Variants in NUDT3 observed in about 807,000 individuals in gnomAD.
The protein encoded by NUDT3 is nudix hydrolase 3, also known as diphosphoinositol polyphosphate phosphohydrolase 1.
Under a neutral mutation model 23.6 loss-of-function variants are expected in NUDT3, and 9 were observed. That is an observed-to-expected ratio of 0.38 (90% CI 0.23 to 0.66). NUDT3 has a LOEUF of 0.66. Among genes scored for constraint, NUDT3 ranks in the 30% least tolerant of loss-of-function variants. NUDT3 has a pLI of 0.52. For synonymous variants in NUDT3, 86 were observed against 82.6 expected, an observed-to-expected ratio of 1.04 and a Z score of -0.22; for missense variants, 172 against 218.5, an observed-to-expected ratio of 0.79 and a Z score of 1.34.
At chr6:34,338,710 C>G (rs1305356767) in intron 2 of NUDT3, among the ~76,000 whole-genome samples, 1 of 152,184 alleles carries the variant, frequency 6.6e-6, no homozygotes, top group Non-Finnish European at 1.5e-5. Flanking sequence ...GTAGATCAGA[C>G]AGCTCTCTCA....
In NUDT3 at chr6:34,282,916, AC is replaced by A. The variant is rs1371560543; in HGVS notation, c.*5836del. ...GGAACAGAAGCAATGACTTCTTTCCACCTTCTAGATAGTAATCTTACTTTTG... is the reference window on the plus strand; with the variant it reads ...GGAACAGAAGCAATGACTTCTTTCCACTTCTAGATAGTAATCTTACTTTTG... On this transcript the variant is annotated 3_prime_UTR_variant, in exon 5 of 5. Coordinates refer to ENST00000607016, the MANE Select transcript of NUDT3 (RefSeq NM_006703.4). The A allele has an allele frequency of 6.6e-6, 1 of 152,212 alleles. No homozygotes were observed. The highest frequency in any genetic ancestry group is 1.5e-5 in the Non-Finnish European group (1 of 68,042). The allele number at this position is 152,212 out of a possible 1,614,324, so 9.4% of individuals were successfully genotyped here.
rs994838720 is a variant in NUDT3, at chr6:34,342,086, T to C, written c.100-114A>G. 5.6e-6 allele frequency: 5 copies of C among 897,718 alleles called. No individual in the cohort carries two copies. In the African/African-American group the frequency reaches 8.4e-5, roughly 15 times the overall value. The allele number at this position is 897,718 out of a possible 1,614,324, so 55.6% of individuals were successfully genotyped here. ...GTAACCAAGACCCATTCTTTGTTTA[T>C]GCCTTCCCAAATCACTTCTTGCAAA... On this transcript the variant is annotated intron_variant, in intron 1 of 4. Coordinates refer to ENST00000607016, the MANE Select transcript of NUDT3 (RefSeq NM_006703.4).
Position 34,381,689 on chromosome 6 carries a change from G to C in NUDT3, c.99+10575C>G, listed in dbSNP as rs1765020104. ...CAATACCACAGTGATAGATGTAAAA[G>C]CCCTGAGTCAGGGCTCAGCACATTT... On this transcript the variant is annotated intron_variant, in intron 1 of 4. Transcript: ENST00000607016. 2.0e-5 allele frequency among the ~76,000 whole-genome samples: 3 copies of C among 152,126 alleles called. No individual in the cohort carries two copies. In the South Asian group the frequency reaches 6.2e-4, roughly 32 times the overall value.
intron 1 of NUDT3, among the ~76,000 whole-genome samples, chr6:34,380,705 C>A (rs1765002169): frequency 6.6e-6 from 1 of 152,182 alleles, no homozygotes; most frequent in South Asian, 2.1e-4. Context: ...CTCATAGACA[C>A]TGGACTGGGC....
chr6:34,341,795 G>T, intron 2 of NUDT3, 67 bp downstream of exon 2: 3 of 1,428,766 alleles, frequency 2.1e-6, no homozygotes, highest in Non-Finnish European at 2.9e-6. Context: ...ACATATTAAA[G>T]AACTACACAG....
At chr6:34,331,758 C>T (rs532878648) in intron 2 of NUDT3, among the ~76,000 whole-genome samples, 9 of 152,134 alleles carry the variant, frequency 5.9e-5, no homozygotes, top group South Asian at 2.1e-4. Flanking sequence ...GAACACGTAC[C>T]GACTTTGTTC....
At chr6:34,382,196 G>A (rs1765031386) in intron 1 of NUDT3, among the ~76,000 whole-genome samples, 2 of 151,384 alleles carry the variant, frequency 1.3e-5, no homozygotes, top group African/African-American at 4.9e-5. Flanking sequence ...AGGAGTTCCA[G>A]ACCAGTCTGG....
chr6:34,370,341 T>A (rs1020568841), intron 1 of NUDT3, among the ~76,000 whole-genome samples: 3 of 152,234 alleles, frequency 2.0e-5, no homozygotes, highest in African/African-American at 4.8e-5. Flanking sequence ...CCAGACTCTG[T>A]ATCTTTGCAC....
chr6:34,364,913 C>A (rs967293664), intron 1 of NUDT3, among the ~76,000 whole-genome samples: 1 of 152,034 alleles, frequency 6.6e-6, no homozygotes, highest in Non-Finnish European at 1.5e-5. Flanking sequence ...CCGAGCTACT[C>A]AGGAGGCTGA....
intron 1 of NUDT3, among the ~76,000 whole-genome samples, chr6:34,354,499 G>A (rs1273802291): frequency 6.6e-6 from 1 of 151,860 alleles, no homozygotes; most frequent in African/African-American, 2.4e-5. Context: ...GAGGCAGATG[G>A]ATTTCTTGAG....
intron 1 of NUDT3, among the ~76,000 whole-genome samples, chr6:34,346,884 TA>T (rs1483138005): frequency 6.6e-6 from 1 of 152,140 alleles, no homozygotes; most frequent in African/African-American, 2.4e-5. Flanking sequence ...GCCTCCCGAG[TA>T]GCTGGGACTA....
chr6:34,363,346 C>T (rs1257458998), intron 1 of NUDT3, among the ~76,000 whole-genome samples: 2 of 152,172 alleles, frequency 1.3e-5, no homozygotes, highest in Admixed American at 1.3e-4. Context: ...TAGTCACTTT[C>T]ACTCAAGGCA....
chr6:34,379,630 C>A (rs962952858), intron 1 of NUDT3, among the ~76,000 whole-genome samples: 2 of 152,010 alleles, frequency 1.3e-5, no homozygotes, highest in Non-Finnish European at 2.9e-5. Flanking sequence ...AGGCTGGTCT[C>A]GAATTCCTGG....
chr6:34,391,549 C>G (rs780294657), intron 1 of NUDT3, among the ~76,000 whole-genome samples: 3 of 152,152 alleles, frequency 2.0e-5, no homozygotes, highest in Non-Finnish European at 4.4e-5. Flanking sequence ...TCCCACAAGG[C>G]AGTGGAGGAA....
rs577442574 is a variant in NUDT3, at chr6:34,351,467, C to T, written c.100-9495G>A. On this transcript the variant is annotated intron_variant, in intron 1 of 4. Transcript: ENST00000607016. ...AAAAAAAAAAAATTAGAGGGCCAGG[C>T]GCGGTGGCTCATGCCTGTAATCCTA... is the stretch of plus-strand genomic sequence containing the variant. 1.9e-3 allele frequency among the ~76,000 whole-genome samples: 277 copies of T among 148,072 alleles called. 18 individuals carry two copies. The highest frequency in any genetic ancestry group is 6.4e-3 in the African/African-American group (255 of 39,566).
intron 2 of NUDT3, among the ~76,000 whole-genome samples, chr6:34,307,224 A>G (rs1439106467): frequency 3.3e-5 from 5 of 152,182 alleles, no homozygotes; most frequent in Admixed American, 6.5e-5. Context: ...CGTGGGCAAC[A>G]TATCAAGACC....
intron 2 of NUDT3, among the ~76,000 whole-genome samples, chr6:34,337,973 T>G (rs775992028): frequency 3.3e-5 from 5 of 152,196 alleles, no homozygotes; most frequent in Non-Finnish European, 5.9e-5. Context: ...AAATCAAAAT[T>G]ATTCAGTTTA....
At chr6:34,361,125 G>C (rs1764644457) in intron 1 of NUDT3, among the ~76,000 whole-genome samples, 1 of 152,058 alleles carries the variant, frequency 6.6e-6, no homozygotes, top group Non-Finnish European at 1.5e-5. Context: ...TGGGAAGCTG[G>C]GGTGGGAGGA....
chr6:34,365,798 T>G (rs1764718414), intron 1 of NUDT3, among the ~76,000 whole-genome samples: 1 of 152,118 alleles, frequency 6.6e-6, no homozygotes, highest in Non-Finnish European at 1.5e-5. Flanking sequence ...TCCCAGCACT[T>G]TGGGAGGCCA....
Sources: gnomAD v4.1 joint callset for allele counts (sites outside exome capture counted in the v4.1 genomes callset) on GRCh38, gnomAD v4.1.1 for gene constraint, MANE v1.5 for transcripts, NCBI Gene and HGNC (gene_info 2026-07-23, HGNC 2026-07-21) for gene names.